SORCS1: variants seen among roughly 807,000 people sequenced by gnomAD.
The protein encoded by SORCS1 is VPS10 domain-containing receptor SorCS1.
A neutral mutation model predicts 146.1 loss-of-function variants in SORCS1; 60 were observed. The ratio of observed to expected loss-of-function variants is 0.41; its 90% CI spans 0.33 to 0.51. The LOEUF is 0.51. SORCS1 is among the 20% of genes least tolerant of loss of function. SORCS1 has a pLI of 0.21. For missense variants in SORCS1, 1,352 were observed against 1,487.6 expected, an observed-to-expected ratio of 0.91 and a Z score of 1.50; for synonymous variants, 637 against 584.0, an observed-to-expected ratio of 1.09 and a Z score of -1.31.
intron 2 of SORCS1, among the ~76,000 whole-genome samples, chr10:106,950,300 T>G (rs536486077): frequency 2.0e-5 from 3 of 152,382 alleles, no homozygotes; most frequent in African/African-American, 7.2e-5. Flanking sequence ...CTTGCCTGGT[T>G]TGTTGATATC....
chr10:107,133,683 C>T (rs12248564), intron 1 of SORCS1, among the ~76,000 whole-genome samples: 20,876 of 152,096 alleles, frequency 0.14, 1,684 homozygotes, highest in East Asian at 0.35. Flanking sequence ...ACTTTCTTCC[C>T]TTGTGTCTGT....
intron 4 of SORCS1, among the ~76,000 whole-genome samples, chr10:106,762,300 G>A (rs1274209499): frequency 6.6e-6 from 1 of 151,342 alleles, no homozygotes; most frequent in African/African-American, 2.4e-5. Context: ...ATCTATGTAA[G>A]CTTATCTAAG....
At chr10:107,175,773 G>A in the SORCS1 span, among the ~76,000 whole-genome samples, 1 of 151,956 alleles carries the variant, frequency 6.6e-6, no homozygotes, top group Non-Finnish European at 1.5e-5. Context: ...GGTACATTGT[G>A]TTTTTCAAAT....
At chr10:107,172,826 ACAT>A in the SORCS1 span, among the ~76,000 whole-genome samples, 1 of 152,226 alleles carries the variant, frequency 6.6e-6, no homozygotes, top group African/African-American at 2.4e-5. Context: ...TTAAGGCAAA[ACAT>A]CATCAACTGA....
At chr10:106,824,588 CAA>C (rs397846847) in intron 3 of SORCS1, among the ~76,000 whole-genome samples, 27 of 71,160 alleles carry the variant, frequency 3.8e-4, no homozygotes, top group African/African-American at 9.3e-4. Context: ...GACTTCATCT[CAA>C]AAAAAAAAAA....
intron 2 of SORCS1, among the ~76,000 whole-genome samples, chr10:106,838,759 G>T (rs529978781): frequency 2.6e-5 from 4 of 152,148 alleles, no homozygotes; most frequent in Admixed American, 6.5e-5. Flanking sequence ...CCTGCAGGGA[G>T]CAAGTCTATT....
rs1171565833 is a variant in SORCS1, at chr10:106,679,107, G to GACTTTTATAT, written c.1740+139_1740+148dup. ...ATATTTGCTACACTCCAACATTTAA[G>GACTTTTATAT]ACTTTTATATAAAAAGGAAAAATAA... is the stretch of plus-strand genomic sequence containing the variant. On this transcript the variant is annotated intron_variant, in intron 12 of 25. Coordinates refer to ENST00000263054, the MANE Select transcript of SORCS1 (RefSeq NM_052918.5). 4 of 544,342 alleles carry GACTTTTATAT rather than the reference G, an allele frequency of 7.3e-6. No individual in the cohort carries two copies. The East Asian group carries it at 1.2e-4, about 16-fold the overall frequency. The allele number at this position is 544,342 out of a possible 1,614,324, so 33.7% of individuals were successfully genotyped here.
intron 1 of SORCS1, among the ~76,000 whole-genome samples, chr10:107,107,014 A>G (rs904147104): frequency 1.3e-5 from 2 of 152,208 alleles, no homozygotes; most frequent in Non-Finnish European, 2.9e-5. Flanking sequence ...TTGTTGTTTA[A>G]AAGCCACCCA....
chr10:106,997,258 C>T (rs74154809), intron 1 of SORCS1, among the ~76,000 whole-genome samples: 3,079 of 152,232 alleles, frequency 0.02, 117 homozygotes, highest in African/African-American at 0.069. Context: ...TGGTGAACTC[C>T]GCCTGTCCCC....
At chr10:107,082,598 C>T (rs546629224) in intron 1 of SORCS1, among the ~76,000 whole-genome samples, 1 of 152,088 alleles carries the variant, frequency 6.6e-6, no homozygotes, top group Non-Finnish European at 1.5e-5. Flanking sequence ...CTGCCTCACT[C>T]AGCCTCCAAA....
At chr10:107,046,397 T>C (rs564070047) in intron 1 of SORCS1, among the ~76,000 whole-genome samples, 1 of 152,232 alleles carries the variant, frequency 6.6e-6, no homozygotes, top group East Asian at 1.9e-4. Flanking sequence ...TTGATAAATA[T>C]ATTTAACATA....
intron 16 of SORCS1, among the ~76,000 whole-genome samples, chr10:106,669,341 T>C (rs1851409830): frequency 6.6e-6 from 1 of 152,112 alleles, no homozygotes; most frequent in Non-Finnish European, 1.5e-5. Flanking sequence ...AATCAGGACA[T>C]TGGGACATCT....
intron 1 of SORCS1, among the ~76,000 whole-genome samples, chr10:107,149,549 T>A (rs984835427): frequency 2.0e-5 from 3 of 152,232 alleles, no homozygotes; most frequent in African/African-American, 7.2e-5. Flanking sequence ...ATCACCATTG[T>A]GCTAATCAGA....
intron 2 of SORCS1, among the ~76,000 whole-genome samples, chr10:106,851,260 G>A (rs1312229250): frequency 1.3e-5 from 2 of 152,128 alleles, no homozygotes; most frequent in Admixed American, 1.3e-4. Flanking sequence ...TATGTAAAAA[G>A]TCATCACCAT....
chr10:106,978,196 C>T (rs1424974234), intron 1 of SORCS1, among the ~76,000 whole-genome samples: 2 of 152,148 alleles, frequency 1.3e-5, no homozygotes, highest in South Asian at 2.1e-4. Context: ...CCACCCACCT[C>T]GGCCTCCCAC....
chr10:106,957,790 GC>G (rs1955035013), intron 1 of SORCS1, among the ~76,000 whole-genome samples: 1 of 152,128 alleles, frequency 6.6e-6, no homozygotes, highest in African/African-American at 2.4e-5. Flanking sequence ...GAAATAGAAA[GC>G]AGCACTATTT....
intron 5 of SORCS1, among the ~76,000 whole-genome samples, chr10:106,739,468 G>C (rs1392206321): frequency 6.8e-6 from 1 of 147,640 alleles, no homozygotes; most frequent in African/African-American, 2.5e-5. Context: ...CTGGGTGACA[G>C]AGAGAGAGAG....
intron 22 of SORCS1, 125 bp downstream of exon 22, chr10:106,611,786 T>C (rs2133418390): frequency 1.4e-6 from 1 of 724,922 alleles, no homozygotes; most frequent in Non-Finnish European, 2.3e-6. Context: ...GAACTTCCCA[T>C]GGGCTCTAGC....
At chr10:107,077,245 G>A (rs956843701) in intron 1 of SORCS1, among the ~76,000 whole-genome samples, 5 of 151,912 alleles carry the variant, frequency 3.3e-5, no homozygotes, top group African/African-American at 1.2e-4. Flanking sequence ...AATTATTTAA[G>A]TAATCAAATC....
Sources: gnomAD v4.1 joint callset for allele counts (sites outside exome capture counted in the v4.1 genomes callset) on GRCh38, gnomAD v4.1.1 for gene constraint, MANE v1.5 for transcripts, NCBI Gene and HGNC (gene_info 2026-07-23, HGNC 2026-07-21) for gene names.